Variants in SCP2 observed in about 807,000 individuals in gnomAD.
The protein encoded by SCP2 is SCP-2/3-oxoacyl-CoA thiolase.
A neutral mutation model predicts 71.4 loss-of-function variants in SCP2; 48 were observed. That is an observed-to-expected ratio of 0.67 (90% CI 0.53 to 0.86). The LOEUF (loss-of-function observed/expected upper bound fraction) is 0.86. Among genes scored for constraint, SCP2 ranks in the 40% least tolerant of loss-of-function variants. The pLI is 0.00. For missense variants in SCP2, 560 were observed against 655.6 expected, an observed-to-expected ratio of 0.85 and a Z score of 1.59; for synonymous variants, 220 against 218.1, an observed-to-expected ratio of 1.01 and a Z score of -0.08.
chr1:52,945,353 T>C (rs1259625172), intron 2 of SCP2, among the ~76,000 whole-genome samples: 4 of 152,066 alleles, frequency 2.6e-5, no homozygotes, highest in African/African-American at 9.7e-5. Flanking sequence ...GCACAGCTTG[T>C]ATCCTAATTT....
chr1:52,985,379 A>G (rs1411470326), intron 10 of SCP2, among the ~76,000 whole-genome samples: 1 of 152,036 alleles, frequency 6.6e-6, no homozygotes, highest in Non-Finnish European at 1.5e-5. Flanking sequence ...CTCTCTCACA[A>G]TCATCATTAA....
At chr1:52,951,016 T>C (rs1655243023) in intron 4 of SCP2, 130 bp downstream of exon 4, 2 of 1,054,500 alleles carry the variant, frequency 1.9e-6, no homozygotes, top group African/African-American at 1.6e-5. Context: ...TGTGGTGGCT[T>C]ATGCTTGTAA....
intron 13 of SCP2, among the ~76,000 whole-genome samples, chr1:53,035,123 T>A (rs1391447432): frequency 1.3e-5 from 2 of 150,844 alleles, no homozygotes. Flanking sequence ...AAAAAAAAAA[T>A]TAATATGATA....
rs1244520915 is a variant in SCP2 at position 52,948,064 on chromosome 1, T to C, written c.183T>C (p.Cys61=). 6.2e-7 allele frequency: 1 copy of C among 1,611,298 alleles called. No individual in the cohort carries two copies. The highest frequency in any genetic ancestry group is 8.5e-7 in the Non-Finnish European group (1 of 1,177,412). The change falls in exon 3 of 16, where the codon TGT becomes TGC. Residue 61 remains cysteine (C), a synonymous_variant. Coordinates refer to ENST00000371514, the MANE Select transcript of SCP2 (RefSeq NM_002979.5). The stretch of plus-strand genomic sequence containing the variant: ...CTTATTCAGCAGTGGACCAGGCATG[T>C]GTTGGCTATGTTTTTGGTATGTATT... The part of the protein sequence containing the change: ...QIPYSAVDQA[C]VGYVFGDSTC...
At chr1:52,999,714 C>T (rs115271015) in intron 11 of SCP2, among the ~76,000 whole-genome samples, 2,245 of 151,282 alleles carry the variant, frequency 0.015, 30 homozygotes, top group Non-Finnish European at 0.025. Context: ...TTGCAGTGAT[C>T]GTATGACAAA....
At chr1:53,013,839 G>A (rs1276279585) in intron 11 of SCP2, among the ~76,000 whole-genome samples, 1 of 143,384 alleles carries the variant, frequency 7.0e-6, no homozygotes, top group Non-Finnish European at 1.5e-5. Context: ...AATAGGCACT[G>A]TAAGTAGTAG....
chr1:52,941,029 G>A (rs921181588), intron 1 of SCP2, among the ~76,000 whole-genome samples: 18 of 152,144 alleles, frequency 1.2e-4, no homozygotes, highest in African/African-American at 4.3e-4. Flanking sequence ...GATTACAGGC[G>A]GGAGCCACCA....
At chr1:52,942,694 GTT>G (rs147939561) in intron 2 of SCP2, among the ~76,000 whole-genome samples, 1,785 of 120,452 alleles carry the variant, frequency 0.015, 11 homozygotes, top group African/African-American at 0.053. Flanking sequence ...AATTTAACAG[GTT>G]TTTTTTTTTT....
At chr1:52,997,396 T>C (rs1660010055) in intron 11 of SCP2, among the ~76,000 whole-genome samples, 1 of 152,182 alleles carries the variant, frequency 6.6e-6, no homozygotes, top group Non-Finnish European at 1.5e-5. Context: ...CTCAAACTCC[T>C]GACCTCAAAT....
intron 14 of SCP2, among the ~76,000 whole-genome samples, chr1:53,040,964 TA>T (rs1007976193): frequency 2.0e-5 from 3 of 152,120 alleles, no homozygotes; most frequent in African/African-American, 7.2e-5. Flanking sequence ...ATGAATAATT[TA>T]AAAATGGACA....
At chr1:52,950,414 C>G (rs1655186900) in intron 3 of SCP2, among the ~76,000 whole-genome samples, 1 of 152,216 alleles carries the variant, frequency 6.6e-6, no homozygotes, top group Non-Finnish European at 1.5e-5. Context: ...GCCACCACAC[C>G]TGGCCAAGGT....
intron 12 of SCP2, among the ~76,000 whole-genome samples, chr1:53,016,551 A>T (rs1347151933): frequency 6.6e-6 from 1 of 152,186 alleles, no homozygotes; most frequent in African/African-American, 2.4e-5. Flanking sequence ...CAGAGGAAGA[A>T]ATTATTATGA....
chr1:52,987,110 C>A (rs555435806), intron 10 of SCP2, among the ~76,000 whole-genome samples: 1 of 150,412 alleles, frequency 6.6e-6, no homozygotes, highest in Non-Finnish European at 1.5e-5. Flanking sequence ...GGGGTTTCAC[C>A]ATGTTGGCCA....
chr1:53,008,991 C>G (rs1427771954), intron 11 of SCP2, among the ~76,000 whole-genome samples: 1 of 152,162 alleles, frequency 6.6e-6, no homozygotes, highest in Non-Finnish European at 1.5e-5. Context: ...CAATAACAGA[C>G]AAACAGCCAA....
chr1:52,984,837 TTTC>T (rs201029933), intron 10 of SCP2, among the ~76,000 whole-genome samples: 5 of 110,800 alleles, frequency 4.5e-5, no homozygotes, highest in African/African-American at 2.7e-4. Context: ...ACACCCAGCT[TTTC>T]TTCTTTTTTT....
chr1:53,000,951 T>C (rs535458102), intron 11 of SCP2, among the ~76,000 whole-genome samples: 98 of 152,016 alleles, frequency 6.4e-4, no homozygotes, highest in African/African-American at 2.2e-3. Context: ...CCAGACTTTG[T>C]CTCCAAAAAA....
At position 52,988,860 on chromosome 1, in the gene SCP2, A is replaced by ATT. The variant is rs1292074564; in HGVS notation, c.1081+734_1081+735dup. 2.8e-5 allele frequency among the ~76,000 whole-genome samples: 4 copies of ATT among 143,698 alleles called. No homozygotes were observed. The South Asian group carries it at 8.9e-4, about 32-fold the overall frequency. 94.3% of individuals were successfully genotyped at this position (143,698 alleles called of 152,430 possible). A position where few individuals can be genotyped will look rare whatever the true frequency, so the allele number is the denominator to read the frequency against. ...GCCACCATGCCCAGCTAATTTTTGT[A>ATT]TTTTTTTTTTTAGTAGAGATGGAGT... On this transcript the variant is annotated intron_variant, in intron 11 of 15. Transcript: ENST00000371514.
chr1:53,000,874 G>A (rs965362823), intron 11 of SCP2, among the ~76,000 whole-genome samples: 2 of 152,200 alleles, frequency 1.3e-5, no homozygotes, highest in South Asian at 2.1e-4. Flanking sequence ...AGGGTAGCTT[G>A]AGCCCAGTAG....
In SCP2 at chr1:53,048,046, CA is replaced by C. The variant is rs1663949930; in HGVS notation, c.1548+110del. 7.7e-6 allele frequency: 6 copies of C among 776,044 alleles called. No homozygotes were observed. The South Asian group carries it at 8.4e-5, about 11-fold the overall frequency. The allele number at this position is 776,044 out of a possible 1,614,324, so 48.1% of individuals were successfully genotyped here. On this transcript the variant is annotated intron_variant, in intron 15 of 15. Transcript: ENST00000371514. ...GCAAAGTGGTCAGACTCACAAAACT[CA>C]GTGTTCCCCAAACAGTTGACAGACG... is the stretch of plus-strand genomic sequence containing the variant.
Sources: allele counts gnomAD v4.1 joint callset (sites outside exome capture counted in the v4.1 genomes callset), GRCh38; gene constraint gnomAD v4.1.1; transcripts MANE v1.5; gene names NCBI Gene and HGNC (gene_info 2026-07-23, HGNC 2026-07-21).